The following MCUR1 variants were observed in gnomAD, a reference collection of about 807,000 sequenced individuals.
The protein encoded by MCUR1 is mitochondrial calcium uniporter regulator 1.
MCUR1 carries 37 observed loss-of-function variants against 42.0 expected under a neutral mutation model. The ratio of observed to expected loss-of-function variants is 0.88; its 90% confidence interval spans 0.68 to 1.16. The LOEUF (loss-of-function observed/expected upper bound fraction) is 1.16. MCUR1 is among the 50% of genes most tolerant of loss of function. The pLI, the probability that MCUR1 is intolerant of heterozygous loss-of-function variation, is 0.00. For synonymous variants in MCUR1, 229 were observed against 196.2 expected (o/e 1.17, Z -1.40); for missense variants, 469 against 468.4 (o/e 1.00, Z -0.01).
intron 6 of MCUR1, among the ~76,000 whole-genome samples, chr6:13,794,205 G>A (rs768587834): frequency 2.0e-5 from 3 of 151,442 alleles, no homozygotes; most frequent in Non-Finnish European, 2.9e-5. Context: ...TGCCCACCTC[G>A]GCCTCCCAAG....
At chr6:13,810,972 T>G (rs1760220262) in intron 1 of MCUR1, among the ~76,000 whole-genome samples, 1 of 152,220 alleles carries the variant, frequency 6.6e-6, no homozygotes, top group Non-Finnish European at 1.5e-5. Context: ...ACCTAAGCTA[T>G]TCTATTTCCT....
chr6:13,813,945 A>T (rs1440919588), intron 1 of MCUR1, 70 bp downstream of exon 1: 1 of 1,216,260 alleles, frequency 8.2e-7, no homozygotes, highest in African/African-American at 1.6e-5. Flanking sequence ...GGGAGGCTGT[A>T]GCTGAGATCC....
At chr6:13,797,814 A>G (rs1759891352) in intron 6 of MCUR1, among the ~76,000 whole-genome samples, 1 of 152,100 alleles carries the variant, frequency 6.6e-6, no homozygotes, top group Non-Finnish European at 1.5e-5. Flanking sequence ...ACTTGAGGTT[A>G]GGAGTTTGAG....
chr6:13,797,863 A>C (rs1316770482), intron 6 of MCUR1, among the ~76,000 whole-genome samples: 2 of 151,562 alleles, frequency 1.3e-5, no homozygotes, highest in African/African-American at 2.4e-5. Flanking sequence ...GTCTCTACTA[A>C]AAATATAAAA....
In MCUR1 at chr6:13,814,487, C is replaced by T. The variant is rs865779371; in HGVS notation, c.-58G>A. 3 of 1,417,014 alleles carry T rather than the reference C, an allele frequency of 2.1e-6. No homozygotes were observed. The highest frequency in any genetic ancestry group is 2.5e-4 in the Middle Eastern group (1 of 3,964). 87.8% of individuals were successfully genotyped at this position (1,417,014 alleles called of 1,614,324 possible). On this transcript the variant is annotated 5_prime_UTR_variant, in exon 1 of 9. Coordinates refer to ENST00000379170, the MANE Select transcript of MCUR1 (RefSeq NM_001031713.4). Reference sequence around the variant, plus strand: ...CATGCCTCTCGCTTTTGGCGCCGGCCACGCGCGGTCCAGGCCCAGAGTCCG... The same window carrying T: ...CATGCCTCTCGCTTTTGGCGCCGGCTACGCGCGGTCCAGGCCCAGAGTCCG...
intron 4 of MCUR1, among the ~76,000 whole-genome samples, 187 bp downstream of exon 4, chr6:13,801,101 G>C (rs1584986292): frequency 6.6e-6 from 1 of 152,194 alleles, no homozygotes; most frequent in East Asian, 1.9e-4. Flanking sequence ...TGGGGCAGGA[G>C]CAACTGAGAG....
At chr6:13,803,838 A>G in intron 2 of MCUR1, 1 of 985,344 alleles carries the variant, frequency 1.0e-6, no homozygotes, top group South Asian at 4.7e-5. Context: ...AGTTTTATTA[A>G]GAAGAGTTCA....
At position 13,802,238 on chromosome 6, in the gene MCUR1, C is replaced by G; in HGVS notation, c.639+5G>C. 1.2e-6 allele frequency: 2 copies of G among 1,613,080 alleles called. No homozygotes were observed. Among genetic ancestry groups the G allele is most frequent in the South Asian group, 1.1e-5 (1 of 91,044 alleles). ...TAATTTGCTAAACCACCCAACAAGG[C>G]TAACCTGCTGCATCTTGGTGACCAT... is the stretch of plus-strand genomic sequence containing the variant. On this transcript the variant is annotated splice_donor_5th_base_variant and intron_variant, in intron 3 of 8. Coordinates refer to ENST00000379170, the MANE Select transcript of MCUR1 (RefSeq NM_001031713.4).
chr6:13,801,512 A>T, intron 3 of MCUR1, 123 bp from the exon 4 acceptor site: 1 of 651,264 alleles, frequency 1.5e-6, no homozygotes, highest in Non-Finnish European at 2.6e-6. Flanking sequence ...GAGGTTCAGT[A>T]GGGTCATCCT....
chr6:13,806,842 T>C, intron 2 of MCUR1, 83 bp downstream of exon 2: 1 of 1,389,894 alleles, frequency 7.2e-7, no homozygotes, highest in Non-Finnish European at 9.7e-7. Flanking sequence ...AAGAGGAACA[T>C]GAGAAATTAA....
chr6:13,811,653 C>T lies in MCUR1; in HGVS notation c.415+2362G>A, dbSNP rs760718830. On this transcript the variant is annotated intron_variant, in intron 1 of 8. Transcript: ENST00000379170. ...CCACCTCACCTGCCCCAGAACTCTA[C>T]TGGACTGCCCCATGTGTCAGGGAGC... 2.0e-5 allele frequency among the ~76,000 whole-genome samples: 3 copies of T among 152,182 alleles called. No individual in the cohort carries two copies. The East Asian group carries it at 5.8e-4, about 29-fold the overall frequency.
chr6:13,802,324 T>C lies in MCUR1; in HGVS notation c.558A>G (p.Glu186=), dbSNP rs1187222380. 3.7e-6 allele frequency: 6 copies of C among 1,613,648 alleles called. No homozygotes were observed. The South Asian group carries it at 6.6e-5, about 18-fold the overall frequency. Residue 186 remains glutamate, a synonymous_variant, in exon 3 of 9, where the codon GAA becomes GAG. Transcript: ENST00000379170. ...EDNGFATQQA[E]IIVSALVKIL... ...TCTTGACCAATGCAGACACAATGAT[T>C]TCTGCTTGTTGAGTAGCAAACCCTA...
At chr6:13,807,445 C>T (rs951981186) in intron 1 of MCUR1, among the ~76,000 whole-genome samples, 6 of 152,148 alleles carry the variant, frequency 3.9e-5, no homozygotes, top group African/African-American at 1.4e-4. Flanking sequence ...GCTTCTTTCA[C>T]TTAGCATGTT....
chr6:13,809,297 A>T (rs977629435), intron 1 of MCUR1, among the ~76,000 whole-genome samples: 1 of 152,234 alleles, frequency 6.6e-6, no homozygotes, highest in Non-Finnish European at 1.5e-5. Flanking sequence ...TACTTTAAGT[A>T]CATTGTACTT....
chr6:13,792,489 A>G (rs989931335), intron 7 of MCUR1, among the ~76,000 whole-genome samples: 18 of 152,188 alleles, frequency 1.2e-4, no homozygotes, highest in Non-Finnish European at 2.5e-4. Flanking sequence ...AGCTATTTCT[A>G]GTCATATTTT....
intron 1 of MCUR1, among the ~76,000 whole-genome samples, chr6:13,813,374 G>A (rs1199055669): frequency 2.6e-5 from 4 of 151,820 alleles, no homozygotes; most frequent in Non-Finnish European, 4.4e-5. Context: ...TCTATACCAG[G>A]CATCGAATTA....
intron 7 of MCUR1, among the ~76,000 whole-genome samples, chr6:13,793,358 G>T (rs962447078): frequency 6.6e-6 from 1 of 152,120 alleles, no homozygotes; most frequent in Non-Finnish European, 1.5e-5. Context: ...CCAACGGGTG[G>T]AAGCAACACA....
At chr6:13,804,516 T>C (rs1303841899) in intron 2 of MCUR1, among the ~76,000 whole-genome samples, 2 of 151,782 alleles carry the variant, frequency 1.3e-5, no homozygotes, top group Non-Finnish European at 2.9e-5. Context: ...GGCTCACGCC[T>C]GTAATCCCAG....
rs1235394955 is a variant in MCUR1 at position 13,792,003 on chromosome 6, G to C, written c.910-11C>G. On this transcript the variant is annotated splice_polypyrimidine_tract_variant and intron_variant, in intron 7 of 8. Coordinates refer to ENST00000379170, the MANE Select transcript of MCUR1 (RefSeq NM_001031713.4). ...ATCTTGCTGGGCATGCTTTTAAAAT[G>C]AAGAGAGTCACAGCGTTAGACCACA... 2 of 1,605,468 alleles carry C rather than the reference G, an allele frequency of 1.2e-6. No homozygotes were observed. The highest frequency in any genetic ancestry group is 3.3e-5 in the Admixed American group (2 of 59,996).
Sources: allele counts gnomAD v4.1 joint callset (sites outside exome capture counted in the v4.1 genomes callset), GRCh38; gene constraint gnomAD v4.1.1; transcripts MANE v1.5; gene names NCBI Gene and HGNC (gene_info 2026-07-23, HGNC 2026-07-21).